Variants in HSD17B13 observed in about 807,000 individuals in gnomAD.
HSD17B13 encodes 17-beta-hydroxysteroid dehydrogenase 13.
Under a neutral mutation model 31.1 loss-of-function variants are expected in HSD17B13, and 26 were observed. The ratio of observed to expected loss-of-function variants is 0.84; its 90% CI spans 0.61 to 1.16. HSD17B13 has a LOEUF of 1.16. Ranked by LOEUF, HSD17B13 falls within the 50% of genes most tolerant of loss-of-function variation. The pLI, the probability that HSD17B13 is intolerant of heterozygous loss-of-function variation, is 0.00. For synonymous variants in HSD17B13, 141 were observed against 133.7 expected, an observed-to-expected ratio of 1.05 and a Z score of -0.38; for missense variants, 374 against 366.5, an observed-to-expected ratio of 1.02 and a Z score of -0.17.
In HSD17B13 at chr4:87,313,925, C is replaced by T. The variant is rs1230858761; in HGVS notation, c.593G>A (p.Gly198Asp). Reference sequence around the variant, plus strand: ...CAAGGCCTGAAGTTCTGATGTCAGACCTCTGTGAAAGCCAACAGCGGCAAA... The same window carrying T: ...CAAGGCCTGAAGTTCTGATGTCAGATCTCTGTGAAAGCCAACAGCGGCAAA... ...SKFAAVGFHR[G>D]LTSELQALGK... is the part of the protein sequence containing the mutation. The change falls in exon 5 of 7, where the codon GGT becomes GAT. Residue 198 changes from glycine (G) to aspartate (D), a missense_variant. By Grantham distance (94) the Gly-to-Asp change is moderately conservative (BLOSUM62 -1). Transcript: ENST00000328546. The T allele has an allele frequency of 1.1e-5, 17 of 1,597,736 alleles. No homozygotes were observed. Among genetic ancestry groups the T allele is most frequent in the Non-Finnish European group, 1.1e-5 (13 of 1,174,162 alleles).
At chr4:87,317,247 T>C (rs771920377) in intron 2 of HSD17B13, 24 bp from the exon 3 acceptor site, 2 of 1,612,450 alleles carry the variant, frequency 1.2e-6, no homozygotes, top group Non-Finnish European at 1.7e-6. Flanking sequence ...AAGAACACTT[T>C]CACTGGGTGT....
chr4:87,315,302 G>A (rs1301444325), intron 4 of HSD17B13, among the ~76,000 whole-genome samples, 191 bp downstream of exon 4: 2 of 152,180 alleles, frequency 1.3e-5, no homozygotes, highest in Non-Finnish European at 2.9e-5. Flanking sequence ...CTCCCACCCT[G>A]TAAAGCGTAC....
chr4:87,315,569 C>G lies in HSD17B13; in HGVS notation c.481G>C (p.Glu161Gln), dbSNP rs369138190. ...GTGACGATGTGGCCATGATTTCTCT[C>G]CATCATCGATGGAAGAAGTGCTTTT... Reference protein sequence around the residue: ...ITKALLPSMMERNHGHIVTVA... With the variant: ...ITKALLPSMMQRNHGHIVTVA... Residue 161 changes from glutamate to glutamine, a missense_variant, in exon 4 of 7, where the codon GAG becomes CAG. Coordinates refer to ENST00000328546, the MANE Select transcript of HSD17B13 (RefSeq NM_178135.5). 8.7e-6 allele frequency: 14 copies of G among 1,609,734 alleles called. No homozygotes were observed. In the Admixed American group the frequency reaches 1.2e-4, roughly 13 times the overall value.
At chr4:87,318,816 A>T (rs1449702952) in intron 1 of HSD17B13, among the ~76,000 whole-genome samples, 1 of 150,444 alleles carries the variant, frequency 6.6e-6, no homozygotes, top group Non-Finnish European at 1.5e-5. Flanking sequence ...AAAAAAAAAA[A>T]ATTAACATTC....
chr4:87,313,017 G>A (rs1362384950), intron 5 of HSD17B13, among the ~76,000 whole-genome samples: 6 of 151,628 alleles, frequency 4.0e-5, no homozygotes, highest in Admixed American at 3.3e-4. Flanking sequence ...CTGAGATCGC[G>A]CCACTGTACT....
In HSD17B13 at chr4:87,318,317, C is replaced by T; in HGVS notation, c.318+12G>A. 8 of 1,585,486 alleles carry T rather than the reference C, an allele frequency of 5.0e-6. No individual in the cohort carries two copies. Among genetic ancestry groups the T allele is most frequent in the Non-Finnish European group, 6.1e-6 (7 of 1,153,918 alleles). ...AAATAATCTGAAGAAATTTGTGAACCTGCAGTCTCACCTGATTTAGAGAGC... is the reference window on the plus strand; with the variant it reads ...AAATAATCTGAAGAAATTTGTGAACTTGCAGTCTCACCTGATTTAGAGAGC... On this transcript the variant is annotated intron_variant, in intron 2 of 6. Coordinates refer to ENST00000328546, the MANE Select transcript of HSD17B13 (RefSeq NM_178135.5).
chr4:87,310,524 TC>T (rs140486105), intron 5 of HSD17B13, among the ~76,000 whole-genome samples, 165 bp from the exon 6 acceptor site: 2,147 of 152,304 alleles, frequency 0.014, 49 homozygotes, highest in African/African-American at 0.049. Flanking sequence ...TTCCTCCACA[TC>T]CCATGTTGAT....
chr4:87,308,484 C>CT, intron 6 of HSD17B13, among the ~76,000 whole-genome samples: 2 of 40,366 alleles, frequency 5.0e-5, no homozygotes. Context: ...CCCGTCTCTA[C>CT]TAAAAAAAAA....
chr4:87,322,640 T>C lies in HSD17B13; in HGVS notation c.202A>G (p.Ile68Val). The C allele has an allele frequency of 6.2e-7, 1 of 1,608,094 alleles. No individual in the cohort carries two copies. The highest frequency in any genetic ancestry group is 8.5e-7 in the Non-Finnish European group (1 of 1,174,414). ...GAAGATGTATACATTACCTTATTAATATCCCACAGAACCAATATGCTCTGT... is the reference window on the plus strand; with the variant it reads ...GAAGATGTATACATTACCTTATTAACATCCCACAGAACCAATATGCTCTGT... ...KRQSILVLWDINKRGVEETAA... is the reference protein window; with the variant it reads ...KRQSILVLWDVNKRGVEETAA... The change falls in exon 1 of 7, where the codon ATT becomes GTT. Residue 68 changes from isoleucine (I) to valine (V), a missense_variant. Ile to Val is a conservative substitution (Grantham distance 29). Coordinates refer to ENST00000328546, the MANE Select transcript of HSD17B13 (RefSeq NM_178135.5).
chr4:87,317,563 C>CTTTTTTTTTTTTCTTTTTTTTTTT (rs1734681328), intron 2 of HSD17B13, among the ~76,000 whole-genome samples: 1 of 49,714 alleles, frequency 2.0e-5, no homozygotes, highest in African/African-American at 8.4e-5. Flanking sequence ...TTTCTTTAAA[C>CTTTTTTTTTTTTCTTTTTTTTTTT]TTTTTTTTTT....
Position 87,318,349 on chromosome 4 carries a change from T to G in HSD17B13, c.298A>C (p.Ile100Leu), listed in dbSNP as rs1377783505. The G allele has an allele frequency of 1.2e-6, 2 of 1,612,062 alleles. No homozygotes were observed. Among genetic ancestry groups the G allele is most frequent in the South Asian group, 1.1e-5 (1 of 91,028 alleles). Residue 100 changes from isoleucine (I) to leucine (L), a missense_variant, in exon 2 of 7, where the codon ATC (isoleucine) becomes CTC (leucine). By Grantham distance (5) the Ile-to-Leu change is conservative (BLOSUM62 2). Coordinates refer to ENST00000328546, the MANE Select transcript of HSD17B13 (RefSeq NM_178135.5). ...YVVDCSNREE[I>L]YRSLNQVKKE... ...CTCACCTGATTTAGAGAGCGATAGA[T>G]CTCTTCTCTGTTGCTGCAGTCTACC...
At chr4:87,320,579 G>A (rs1734763746) in intron 1 of HSD17B13, among the ~76,000 whole-genome samples, 1 of 151,926 alleles carries the variant, frequency 6.6e-6, no homozygotes, top group Admixed American at 6.6e-5. Context: ...AGTAGAGACG[G>A]GGTTTCACTG....
chr4:87,318,377 A>G lies in HSD17B13; in HGVS notation c.270T>C (p.Tyr90=), dbSNP rs1734705094. ...CRKLGVTAHA[Y]VVDCSNREEI... is the part of the protein sequence containing the mutation. Reference sequence around the variant, plus strand: ...CTTCTCTGTTGCTGCAGTCTACCACATACGCATGCGCAGTGACGCCTAGTT... The same window carrying G: ...CTTCTCTGTTGCTGCAGTCTACCACGTACGCATGCGCAGTGACGCCTAGTT... Residue 90 remains tyrosine (Y), a synonymous_variant, in exon 2 of 7, where the codon TAT becomes TAC. Coordinates refer to ENST00000328546, the MANE Select transcript of HSD17B13 (RefSeq NM_178135.5). The G allele has an allele frequency of 1.2e-6, 2 of 1,614,092 alleles. No homozygotes were observed. The highest frequency in any genetic ancestry group is 2.2e-5 in the East Asian group (1 of 44,904).
rs1734668012 is a variant in HSD17B13, at chr4:87,317,154, G to C, written c.388C>G (p.Leu130Val). The change falls in exon 3 of 7, where the codon CTC (leucine) becomes GTC (valine). Residue 130 changes from leucine (L) to valine (V), a missense_variant. Coordinates refer to ENST00000328546, the MANE Select transcript of HSD17B13 (RefSeq NM_178135.5). ...NAGTVYPADL[L>V]STKDEEITKT... ...GTAATCTCTTCATCCTTGGTGCTGA[G>C]AAGATCGGCTGGATATACTGTCCCA... 2 of 1,614,000 alleles carry C rather than the reference G, an allele frequency of 1.2e-6. No individual in the cohort carries two copies. The highest frequency in any genetic ancestry group is 1.7e-5 in the Admixed American group (1 of 60,020).
rs150242069 is a variant in HSD17B13, at chr4:87,322,820, G to A, written c.22C>T (p.Leu8Phe). 1 of 1,614,062 alleles carries A rather than the reference G, an allele frequency of 6.2e-7. No homozygotes were observed. Among genetic ancestry groups the A allele is most frequent in the Non-Finnish European group, 8.5e-7 (1 of 1,179,954 alleles). Reference sequence around the variant, plus strand: ...TAGATGATGGTGATCAGAAGCAGAAGGATTTCTAGGATGATGTTCATGGCT... The same window carrying A: ...TAGATGATGGTGATCAGAAGCAGAAAGATTTCTAGGATGATGTTCATGGCT... MNIILEI[L>F]LLLITIIYSY... The change falls in exon 1 of 7, where the codon CTT becomes TTT. Residue 8 changes from leucine to phenylalanine, a missense_variant. Physicochemically the swap from Leu to Phe is conservative, Grantham distance 22 (BLOSUM62 0). Transcript: ENST00000328546.
chr4:87,319,590 T>A (rs1273881618), intron 1 of HSD17B13, among the ~76,000 whole-genome samples: 1 of 152,206 alleles, frequency 6.6e-6, no homozygotes, highest in Non-Finnish European at 1.5e-5. Context: ...GCCCATCATA[T>A]TTTTCTTGAT....
intron 6 of HSD17B13, among the ~76,000 whole-genome samples, chr4:87,307,825 C>T (rs991612598): frequency 1.3e-5 from 2 of 152,134 alleles, no homozygotes; most frequent in African/African-American, 4.8e-5. Flanking sequence ...GATGATGTTG[C>T]TTGGGGGTCA....
At chr4:87,320,223 A>G (rs757832715) in intron 1 of HSD17B13, among the ~76,000 whole-genome samples, 5 of 152,156 alleles carry the variant, frequency 3.3e-5, no homozygotes, top group African/African-American at 4.8e-5. Flanking sequence ...AAGAGTAAAA[A>G]AAGAATAGGA....
intron 3 of HSD17B13, 109 bp from the exon 4 acceptor site, chr4:87,315,708 A>G: frequency 1.8e-6 from 1 of 554,234 alleles, no homozygotes; most frequent in East Asian, 2.9e-5. Context: ...GAACTTATAC[A>G]ATGAAATAAA....
Sources: allele counts gnomAD v4.1 joint callset (sites outside exome capture counted in the v4.1 genomes callset), GRCh38; gene constraint gnomAD v4.1.1; transcripts MANE v1.5; gene names NCBI Gene and HGNC (gene_info 2026-07-23, HGNC 2026-07-21).